Variants in HPS3 observed in about 807,000 individuals in gnomAD.
HPS3 encodes BLOC-2 complex member HPS3.
HPS3 carries 79 observed loss-of-function variants against 110.9 expected under a neutral mutation model. The ratio of observed to expected loss-of-function variants is 0.71; its 90% CI spans 0.59 to 0.86. The LOEUF (loss-of-function observed/expected upper bound fraction) is 0.86. HPS3 is among the 40% of genes least tolerant of loss of function. The probability of loss-of-function intolerance (pLI) is 0.00; values close to 1 mark genes in which losing one functional copy is unlikely to be tolerated. For missense variants in HPS3, 1,197 were observed against 1,206.2 expected, an observed-to-expected ratio of 0.99 and a Z score of 0.11; for synonymous variants, 428 against 451.0, an observed-to-expected ratio of 0.95 and a Z score of 0.65.
intron 4 of HPS3, 93 bp downstream of exon 4, chr3:149,141,473 GT>G: frequency 9.7e-7 from 1 of 1,034,948 alleles, no homozygotes; most frequent in Non-Finnish European, 1.5e-6. Flanking sequence ...AATAGGTTTG[GT>G]GGTTTGGTTC....
rs1241787178 is a variant in HPS3 at position 149,130,102 on chromosome 3, C to T, written c.217+162C>T. The stretch of plus-strand genomic sequence containing the variant: ...GGTCTGGCCGCTGATTGCTTGAAGT[C>T]GCATTGAGCTATGCGGTTGTCGCGG... On this transcript the variant is annotated intron_variant, in intron 1 of 16. Coordinates refer to ENST00000296051, the MANE Select transcript of HPS3 (RefSeq NM_032383.5). The T allele has an allele frequency of 5.9e-6, 4 of 672,526 alleles. No individual in the cohort carries two copies. In the African/African-American group the frequency reaches 7.2e-5, roughly 12 times the overall value. The allele number at this position is 672,526 out of a possible 1,614,324, so 41.7% of individuals were successfully genotyped here.
intron 10 of HPS3, among the ~76,000 whole-genome samples, chr3:149,159,171 A>G (rs1202989294): frequency 1.3e-5 from 2 of 152,178 alleles, no homozygotes; most frequent in Admixed American, 6.6e-5. Flanking sequence ...TCTCATCTGC[A>G]GTCCTTCCCG....
rs754875039 is a variant in HPS3, at chr3:149,157,378, T to C, written c.1538T>C (p.Val513Ala). 2.5e-6 allele frequency: 4 copies of C among 1,613,854 alleles called. No individual in the cohort carries two copies. Among genetic ancestry groups the C allele is most frequent in the Non-Finnish European group, 3.4e-6 (4 of 1,179,844 alleles). The stretch of plus-strand genomic sequence containing the variant: ...GACTATAGCAATACCTATAAGACTG[T>C]CAAAACCCAGAGCTGCATTCACCTT... ...MVDYSNTYKTVKTQSCIHLLS... is the reference protein window; with the variant it reads ...MVDYSNTYKTAKTQSCIHLLS... The change falls in exon 9 of 17, where the codon GTC becomes GCC. Residue 513 changes from valine to alanine, a missense_variant. Coordinates refer to ENST00000296051, the MANE Select transcript of HPS3 (RefSeq NM_032383.5).
intron 2 of HPS3, 144 bp downstream of exon 2, chr3:149,140,642 A>G (rs1210323788): frequency 5.9e-5 from 53 of 891,810 alleles, no homozygotes; most frequent in Non-Finnish European, 8.7e-5. Context: ...ATTTGGTTTT[A>G]TGATCTGGCT....
In HPS3 at chr3:149,173,052, G is replaced by A. The variant is rs1725158208; in HGVS notation, c.*830G>A. 1 of 152,292 alleles carries A rather than the reference G, an allele frequency of 6.6e-6. No individual in the cohort carries two copies. The highest frequency in any genetic ancestry group is 2.4e-5 in the African/African-American group (1 of 41,396). The allele number at this position is 152,292 out of a possible 1,614,324, so 9.4% of individuals were successfully genotyped here. On this transcript the variant is annotated 3_prime_UTR_variant, in exon 17 of 17. Transcript: ENST00000296051. ...TATCCTCTGAATGCAGTTAAGGCTG[G>A]GCAGAAATTCTACTCATGTGACATC...
chr3:149,162,654 A>T (rs1366271625), intron 12 of HPS3, 36 bp from the exon 13 acceptor site: 2 of 1,596,728 alleles, frequency 1.3e-6, no homozygotes, highest in Admixed American at 1.7e-5. Flanking sequence ...TGCTATATTT[A>T]TCTGGAATAT....
chr3:149,130,043 C>T (rs1316081576), intron 1 of HPS3, 103 bp downstream of exon 1: 2 of 1,159,002 alleles, frequency 1.7e-6, no homozygotes, highest in East Asian at 2.6e-5. Context: ...GATGGGACTT[C>T]TTGCTTCCCG....
intron 5 of HPS3, among the ~76,000 whole-genome samples, chr3:149,149,539 G>A (rs934769363): frequency 6.6e-6 from 1 of 152,150 alleles, no homozygotes; most frequent in Non-Finnish European, 1.5e-5. Flanking sequence ...AGAGAGGCCT[G>A]ACTACCTCTT....
chr3:149,150,337 A>G (rs899994203), intron 5 of HPS3, among the ~76,000 whole-genome samples: 1 of 152,194 alleles, frequency 6.6e-6, no homozygotes, highest in African/African-American at 2.4e-5. Context: ...GGAGTTTTGT[A>G]GAAATGTACA....
chr3:149,140,569 G>A lies in HPS3; in HGVS notation c.712+71G>A, dbSNP rs988604238. On this transcript the variant is annotated intron_variant, in intron 2 of 16. Coordinates refer to ENST00000296051, the MANE Select transcript of HPS3 (RefSeq NM_032383.5). Reference sequence around the variant, plus strand: ...AACCTTCACCTTTGGCAGTCTGAAGGTCTGTGGTATATATGGTGCCCGGCC... The same window carrying A: ...AACCTTCACCTTTGGCAGTCTGAAGATCTGTGGTATATATGGTGCCCGGCC... 16 of 1,533,710 alleles carry A rather than the reference G, an allele frequency of 1.0e-5. No homozygotes were observed. In the African/African-American group the frequency reaches 1.1e-4, roughly 10 times the overall value.
At chr3:149,131,852 G>A (rs1721800545) in intron 1 of HPS3, among the ~76,000 whole-genome samples, 1 of 152,156 alleles carries the variant, frequency 6.6e-6, no homozygotes, top group African/African-American at 2.4e-5. Context: ...GAAATTAAGT[G>A]TTACTCCAGT....
At position 149,129,721 on chromosome 3, in the gene HPS3, G is replaced by C. The variant is rs1396116725; in HGVS notation, c.-3G>C. 3.2e-6 allele frequency: 5 copies of C among 1,580,752 alleles called. No individual in the cohort carries two copies. Among genetic ancestry groups the C allele is most frequent in the Admixed American group, 3.4e-5 (2 of 58,458 alleles). On this transcript the variant is annotated 5_prime_UTR_variant, in exon 1 of 17. Transcript: ENST00000296051. The stretch of plus-strand genomic sequence containing the variant: ...AGGCTGTGCCATCCCGCCGGACGTC[G>C]GGATGGTGCAGCTGTACAACCTGCA...
chr3:149,150,629 C>T lies in HPS3; in HGVS notation c.1194C>T (p.Cys398=). ...ACCTGCAGTGTTTCACTGTGCGGTGCAGTGCGGCGGCAGCTCGTGAGGAGG... is the reference window on the plus strand; with the variant it reads ...ACCTGCAGTGTTTCACTGTGCGGTGTAGTGCGGCGGCAGCTCGTGAGGAGG... ...SNNLQCFTVR[C]SAAAAREEDP... Residue 398 remains cysteine, a synonymous_variant, in exon 6 of 17, where the codon TGC becomes TGT. Coordinates refer to ENST00000296051, the MANE Select transcript of HPS3 (RefSeq NM_032383.5). 1 of 1,614,046 alleles carries T rather than the reference C, an allele frequency of 6.2e-7. No individual in the cohort carries two copies. The highest frequency in any genetic ancestry group is 2.2e-5 in the East Asian group (1 of 44,890).
At chr3:149,160,702 A>G (rs1723744318) in intron 11 of HPS3, among the ~76,000 whole-genome samples, 1 of 152,192 alleles carries the variant, frequency 6.6e-6, no homozygotes, top group South Asian at 2.1e-4. Flanking sequence ...TGGGAAAATC[A>G]CAGATTAAGA....
At chr3:149,157,585 C>T (rs1369020547) in intron 9 of HPS3, 54 bp downstream of exon 9, 57 of 1,515,330 alleles carry the variant, frequency 3.8e-5, no homozygotes, top group Non-Finnish European at 4.8e-5. Flanking sequence ...ACTTTGGGTA[C>T]ACTTGTTAGC....
intron 4 of HPS3, 28 bp from the exon 5 acceptor site, chr3:149,145,326 G>A (rs910184411): frequency 3.3e-6 from 5 of 1,535,276 alleles, no homozygotes; most frequent in Non-Finnish European, 3.6e-6. Context: ...GTTTCATGGT[G>A]TTTTATTTCT....
chr3:149,162,287 A>C lies in HPS3; in HGVS notation c.2246A>C (p.Gln749Pro). Reference sequence around the variant, plus strand: ...CTTGTGGCTTCAGTTCTGGGCTTGCAGAAGAACAACAAAATTGGAATTGAA... The same window carrying C: ...CTTGTGGCTTCAGTTCTGGGCTTGCCGAAGAACAACAAAATTGGAATTGAA... ...GLLVASVLGL[Q>P]KNNKIGIEEA... Residue 749 changes from glutamine (Q) to proline (P), a missense_variant, in exon 12 of 17, where the codon CAG becomes CCG. Physicochemically the swap from Gln to Pro is moderately conservative, Grantham distance 76. Transcript: ENST00000296051. 1 of 1,614,064 alleles carries C rather than the reference A, an allele frequency of 6.2e-7. No homozygotes were observed. Among genetic ancestry groups the C allele is most frequent in the Non-Finnish European group, 8.5e-7 (1 of 1,179,950 alleles).
intron 4 of HPS3, among the ~76,000 whole-genome samples, chr3:149,142,716 C>G (rs939806730): frequency 2.6e-5 from 4 of 152,046 alleles, no homozygotes; most frequent in Admixed American, 6.5e-5. Context: ...GTGCTGAATA[C>G]TAGGGAACTA....
chr3:149,138,966 T>G (rs968604627), intron 1 of HPS3, among the ~76,000 whole-genome samples: 5 of 152,208 alleles, frequency 3.3e-5, no homozygotes, highest in Admixed American at 6.5e-5. Flanking sequence ...TTGGGCAATA[T>G]TGAAATTTAA....
Sources: allele counts gnomAD v4.1 joint callset (sites outside exome capture counted in the v4.1 genomes callset), GRCh38; gene constraint gnomAD v4.1.1; transcripts MANE v1.5; gene names NCBI Gene and HGNC (gene_info 2026-07-23, HGNC 2026-07-21).